NRG1: variants seen among roughly 807,000 people sequenced by gnomAD.
NRG1 encodes neuregulin 1, also known as pro-neuregulin-1, membrane-bound isoform.
In NRG1, 18 loss-of-function variants were observed where a neutral mutation model predicts 63.8. The observed-to-expected ratio is 0.28, with a 90% confidence interval of 0.19 to 0.42. The LOEUF is 0.42. Ranked by LOEUF, NRG1 falls within the 10% of genes least tolerant of loss-of-function variation. NRG1 has a pLI of 1.00. For synonymous variants in NRG1, 302 were observed against 301.3 expected (o/e 1.00, Z -0.02); for missense variants, 762 against 814.7 (o/e 0.94, Z 0.79).
intron 1 of NRG1, among the ~76,000 whole-genome samples, chr8:32,282,216 C>A (rs557691890): frequency 1.3e-5 from 2 of 152,282 alleles, no homozygotes; most frequent in African/African-American, 4.8e-5. Context: ...CAAAGTATCA[C>A]CCACAATGCA....
chr8:31,641,993 C>T (rs2130832976), intron 1 of NRG1, among the ~76,000 whole-genome samples: 1 of 152,168 alleles, frequency 6.6e-6, no homozygotes, highest in South Asian at 2.1e-4. Flanking sequence ...CATTGTTCAC[C>T]CACCATTCCC....
At chr8:32,739,100 A>AT (rs1350982050) in intron 6 of NRG1, among the ~76,000 whole-genome samples, 4 of 152,260 alleles carry the variant, frequency 2.6e-5, no homozygotes, top group Non-Finnish European at 5.9e-5. Context: ...ACATTCCTTC[A>AT]TTTTATCACT....
chr8:31,904,549 T>G (rs1005764261), intron 1 of NRG1, among the ~76,000 whole-genome samples: 2 of 152,198 alleles, frequency 1.3e-5, no homozygotes, highest in Non-Finnish European at 2.9e-5. Context: ...GGAGTATAAA[T>G]CATTCTACCA....
At position 32,734,146 on chromosome 8, in the gene NRG1, G is replaced by A. The variant is rs1332269483; in HGVS notation, c.632+6068G>A. Among the ~76,000 whole-genome samples the A allele has an allele frequency of 3.9e-5, 6 of 152,188 alleles. No homozygotes were observed. The South Asian group carries it at 6.2e-4, about 16-fold the overall frequency. ...GGAAGCGAGTCTTCCTTACAGGCTA[G>A]AAGAAGTCTGGGGACTAAGTAAGAT... On this transcript the variant is annotated intron_variant, in intron 6 of 11. Coordinates refer to ENST00000356819, the Ensembl canonical transcript of NRG1.
intron 1 of NRG1, among the ~76,000 whole-genome samples, chr8:31,933,250 C>A (rs1174367067): frequency 6.6e-6 from 1 of 151,522 alleles, no homozygotes; most frequent in Non-Finnish European, 1.5e-5. Context: ...TTGGTCCCCA[C>A]AATAACCCTG....
chr8:32,364,210 G>C (rs1395806800), intron 1 of NRG1, among the ~76,000 whole-genome samples: 1 of 150,058 alleles, frequency 6.7e-6, no homozygotes, highest in Non-Finnish European at 1.5e-5. Flanking sequence ...TGATAGATCA[G>C]TGAATAGATA....
At position 32,757,479 on chromosome 8, in the gene NRG1, T is replaced by C. The variant is rs983771471; in HGVS notation, c.921+950T>C. ...ATATATCATAGACCCAACTACAGAGTTGGTGGTTACTAAACTATCAGCAAG... is the reference window on the plus strand; with the variant it reads ...ATATATCATAGACCCAACTACAGAGCTGGTGGTTACTAAACTATCAGCAAG... On this transcript the variant is annotated intron_variant, in intron 9 of 11. Transcript: ENST00000356819. 2.6e-5 allele frequency among the ~76,000 whole-genome samples: 4 copies of C among 152,188 alleles called. No individual in the cohort carries two copies. The East Asian group carries it at 5.8e-4, about 22-fold the overall frequency.
chr8:31,919,332 T>C (rs2129618320), intron 1 of NRG1, among the ~76,000 whole-genome samples: 1 of 152,102 alleles, frequency 6.6e-6, no homozygotes, highest in Non-Finnish European at 1.5e-5. Context: ...GAATATTTCA[T>C]TCCACTTACG....
intron 1 of NRG1, among the ~76,000 whole-genome samples, chr8:32,019,764 C>T (rs1470357347): frequency 6.6e-6 from 1 of 152,172 alleles, no homozygotes; most frequent in Non-Finnish European, 1.5e-5. Flanking sequence ...TACCAGATAA[C>T]CAGTGCTATA....
chr8:32,373,693 G>T (rs1258067128), intron 1 of NRG1, among the ~76,000 whole-genome samples: 1 of 152,078 alleles, frequency 6.6e-6, no homozygotes, highest in Admixed American at 6.5e-5. Flanking sequence ...CAGGAGAATC[G>T]CTTGATCCTG....
rs571160572 is a variant in NRG1 at position 31,814,276 on chromosome 8, C to T, written c.37+174845C>T. On this transcript the variant is annotated intron_variant, in intron 1 of 10. Coordinates refer to the NRG1 transcript ENST00000519301. ...TCTCTAGCTACCTGGAATAAAACAC[C>T]CAGTGTAGTGTCTGGGATCCAGTGG... Among the ~76,000 whole-genome samples the T allele has an allele frequency of 1.2e-4, 19 of 152,244 alleles. No homozygotes were observed. In the South Asian group the frequency reaches 3.7e-3, roughly 30 times the overall value.
At chr8:32,245,725 T>G (rs2347065) in intron 1 of NRG1, among the ~76,000 whole-genome samples, 105,585 of 151,978 alleles carry the variant, frequency 0.69, 37,255 homozygotes, top group African/African-American at 0.79. Context: ...TTATTTACAT[T>G]GTTGTCTTAA....
At chr8:31,907,821 A>G (rs776398) in intron 1 of NRG1, among the ~76,000 whole-genome samples, 70,308 of 152,014 alleles carry the variant, frequency 0.46, 16,744 homozygotes, top group East Asian at 0.7. Flanking sequence ...GATTGTGTGC[A>G]ACTATCTTAA....
chr8:32,172,401 CAG>C (rs1840173095), intron 1 of NRG1, among the ~76,000 whole-genome samples: 1 of 152,204 alleles, frequency 6.6e-6, no homozygotes, highest in Non-Finnish European at 1.5e-5. Context: ...GAGGAAAAAA[CAG>C]AGCAGAAAAA....
chr8:32,592,018 C>A (rs961721923), intron 1 of NRG1, among the ~76,000 whole-genome samples: 4 of 151,158 alleles, frequency 2.6e-5, no homozygotes, highest in African/African-American at 9.7e-5. Flanking sequence ...TACACACGTG[C>A]GTATTTAATG....
intron 1 of NRG1, among the ~76,000 whole-genome samples, chr8:31,808,531 T>C (rs1050626336): frequency 5.3e-5 from 8 of 152,074 alleles, no homozygotes; most frequent in African/African-American, 1.9e-4. Context: ...CTGCATTACC[T>C]TCCTTCTTTA....
intron 1 of NRG1, among the ~76,000 whole-genome samples, chr8:32,278,519 G>A (rs1852352726): frequency 6.6e-6 from 1 of 152,178 alleles, no homozygotes; most frequent in Non-Finnish European, 1.5e-5. Context: ...TTCCTAATTA[G>A]AGTAGGAATT....
At chr8:32,002,620 T>G (rs1484261729) in intron 1 of NRG1, among the ~76,000 whole-genome samples, 1 of 152,024 alleles carries the variant, frequency 6.6e-6, no homozygotes, top group Admixed American at 6.6e-5. Context: ...AACCAGTTCT[T>G]CAAGGAGCTA....
chr8:32,758,909 T>C (rs1830159149), intron 9 of NRG1, among the ~76,000 whole-genome samples: 1 of 152,158 alleles, frequency 6.6e-6, no homozygotes, highest in Admixed American at 6.6e-5. Context: ...TGCTTCTATT[T>C]CAAATAGCAT....
Sources: gnomAD v4.1 joint callset for allele counts (sites outside exome capture counted in the v4.1 genomes callset) on GRCh38, gnomAD v4.1.1 for gene constraint, MANE v1.5 for transcripts, NCBI Gene and HGNC (gene_info 2026-07-23, HGNC 2026-07-21) for gene names.